The following RARB variants were observed in gnomAD, a reference collection of about 807,000 sequenced individuals.
RARB encodes HBV-activated protein.
In RARB, 17 loss-of-function variants were observed where a neutral mutation model predicts 51.9. The ratio of observed to expected loss-of-function variants is 0.33; its 90% CI spans 0.22 to 0.49. The LOEUF is 0.49. RARB is among the 20% of genes least tolerant of loss of function. The pLI, the probability that RARB is intolerant of heterozygous loss-of-function variation, is 0.99. For synonymous variants in RARB, 215 were observed against 195.4 expected (o/e 1.10, Z -0.84); for missense variants, 369 against 550.8 (o/e 0.67, Z 3.30).
chr3:25,523,535 C>T (rs1698499302), intron 3 of RARB, among the ~76,000 whole-genome samples: 1 of 152,170 alleles, frequency 6.6e-6, no homozygotes, highest in Non-Finnish European at 1.5e-5. Context: ...CCTGGCTGTA[C>T]TGTTTCTAAG....
chr3:25,102,607 T>C (rs554867671), intron 3 of RARB, among the ~76,000 whole-genome samples: 1 of 152,078 alleles, frequency 6.6e-6, no homozygotes, highest in East Asian at 1.9e-4. Context: ...TTTGAATATA[T>C]ATATTTTTGA....
At chr3:25,326,046 T>TG (rs1273933018) in intron 5 of RARB, among the ~76,000 whole-genome samples, 1 of 152,216 alleles carries the variant, frequency 6.6e-6, no homozygotes, top group Non-Finnish European at 1.5e-5. Context: ...TGAGGAAGGC[T>TG]GGTCATGAGA....
intron 5 of RARB, among the ~76,000 whole-genome samples, chr3:25,374,663 G>A (rs1706402479): frequency 6.6e-6 from 1 of 152,058 alleles, no homozygotes; most frequent in Non-Finnish European, 1.5e-5. Flanking sequence ...CAGAATAGAT[G>A]TTAGCCTCCT....
chr3:25,530,917 GGATCATATGGACTTAC>G, intron 3 of RARB, among the ~76,000 whole-genome samples: 1 of 152,162 alleles, frequency 6.6e-6, no homozygotes, highest in Non-Finnish European at 1.5e-5. Flanking sequence ...CCTGGTTTCA[GGATCATATGGACTTAC>G]GTTTTAACTT....
chr3:25,112,156 A>C (rs1699613033), intron 3 of RARB, among the ~76,000 whole-genome samples: 2 of 152,320 alleles, frequency 1.3e-5, no homozygotes, highest in Admixed American at 1.3e-4. Context: ...GACATTGAGT[A>C]GCTTAAATCA....
At chr3:25,378,343 C>G (rs1706525128) in intron 5 of RARB, among the ~76,000 whole-genome samples, 1 of 152,182 alleles carries the variant, frequency 6.6e-6, no homozygotes, top group Non-Finnish European at 1.5e-5. Flanking sequence ...GATGGGACAG[C>G]TGAAGTGGCG....
intron 2 of RARB, among the ~76,000 whole-genome samples, chr3:24,955,951 G>A (rs1696005615): frequency 1.3e-5 from 2 of 152,132 alleles, no homozygotes; most frequent in African/African-American, 4.8e-5. Context: ...GGCTGACCTG[G>A]AATCTTTCTT....
chr3:25,434,541 T>C (rs1248381590), intron 1 of RARB, among the ~76,000 whole-genome samples: 68 of 136,188 alleles, frequency 5.0e-4, no homozygotes, highest in Non-Finnish European at 1.0e-3. Flanking sequence ...TTTTTTTTTT[T>C]TTTTCTTTTT....
chr3:25,099,973 T>C (rs1008841736), intron 3 of RARB, among the ~76,000 whole-genome samples: 3 of 152,226 alleles, frequency 2.0e-5, no homozygotes, highest in African/African-American at 7.2e-5. Context: ...CTTTAAAATA[T>C]CATTTCCTGG....
intron 2 of RARB, among the ~76,000 whole-genome samples, chr3:24,959,842 T>C (rs1042172173): frequency 2.6e-5 from 4 of 152,246 alleles, no homozygotes; most frequent in African/African-American, 9.6e-5. Flanking sequence ...ACTTTGTTTA[T>C]AGTCATCTTA....
intron 5 of RARB, among the ~76,000 whole-genome samples, chr3:25,319,870 A>C (rs576577480): frequency 5.9e-5 from 9 of 152,120 alleles, no homozygotes; most frequent in Admixed American, 6.5e-5. Context: ...TATTCTTTTG[A>C]AAAGGTGATC....
exon 5 of RARB, chr3:25,174,386 G>T (rs914373185): frequency 7.4e-7 from 1 of 1,351,778 alleles, no homozygotes; most frequent in African/African-American, 1.5e-5. Context: ...TTCTTTCTGT[G>T]AGGCCCGAAA....
At chr3:25,009,242 G>C (rs1697342798) in intron 2 of RARB, among the ~76,000 whole-genome samples, 1 of 152,154 alleles carries the variant, frequency 6.6e-6, no homozygotes, top group African/African-American at 2.4e-5. Context: ...GTGTGAGTGT[G>C]AAGGGTAGAA....
chr3:25,401,121 A>T (rs1186564029), intron 5 of RARB, among the ~76,000 whole-genome samples: 1 of 152,184 alleles, frequency 6.6e-6, no homozygotes, highest in Non-Finnish European at 1.5e-5. Flanking sequence ...TGCCAGAAAG[A>T]CAAAACTTGA....
intron 5 of RARB, among the ~76,000 whole-genome samples, chr3:25,210,134 A>T (rs1701653581): frequency 6.6e-6 from 1 of 152,128 alleles, no homozygotes; most frequent in Non-Finnish European, 1.5e-5. Flanking sequence ...TTTAAGACAG[A>T]AAATAATAGA....
At chr3:25,278,299 G>A (rs542440674) in intron 5 of RARB, among the ~76,000 whole-genome samples, 1 of 152,290 alleles carries the variant, frequency 6.6e-6, no homozygotes, top group African/African-American at 2.4e-5. Context: ...TAATGTATGT[G>A]AAACTTTTGT....
At chr3:25,210,396 GAGTGAACAAGATTTTCTTGAA>G (rs1486752457) in intron 5 of RARB, among the ~76,000 whole-genome samples, 2 of 152,026 alleles carry the variant, frequency 1.3e-5, no homozygotes, top group Non-Finnish European at 2.9e-5. Context: ...CAGCCTACTT[GAGTGAACAAGATTTTCTTGAA>G]ACCCAGCTAT....
chr3:25,047,017 T>C (rs1292061657), intron 2 of RARB, among the ~76,000 whole-genome samples: 1 of 152,162 alleles, frequency 6.6e-6, no homozygotes. Context: ...TCTTCAAATT[T>C]ATTTGTGGTG....
At chr3:24,877,921 C>T (rs1021653203) in intron 2 of RARB, among the ~76,000 whole-genome samples, 1 of 152,168 alleles carries the variant, frequency 6.6e-6, no homozygotes, top group Non-Finnish European at 1.5e-5. Flanking sequence ...ATATCACTTA[C>T]TAGGTGTTTT....
Sources: gnomAD v4.1 joint callset for allele counts (sites outside exome capture counted in the v4.1 genomes callset) on GRCh38, gnomAD v4.1.1 for gene constraint, MANE v1.5 for transcripts, NCBI Gene and HGNC (gene_info 2026-07-23, HGNC 2026-07-21) for gene names.